Variants in ANKRD17 observed in about 807,000 individuals in gnomAD.
The protein encoded by ANKRD17 is ankyrin repeat domain 17, also known as ankyrin repeat domain-containing protein 17.
Under a neutral mutation model 229.7 loss-of-function variants are expected in ANKRD17, and 19 were observed. The ratio of observed to expected loss-of-function variants is 0.08; its 90% CI spans 0.06 to 0.12. The LOEUF is 0.12. Ranked by LOEUF, ANKRD17 falls within the 10% of genes least tolerant of loss-of-function variation. ANKRD17 has a pLI of 1.00. For missense variants in ANKRD17, 2,176 were observed against 3,176.8 expected (o/e 0.68, Z 7.57); for synonymous variants, 1,112 against 1,146.1 (o/e 0.97, Z 0.60).
At chr4:73,082,036 G>A (rs976100729) in intron 30 of ANKRD17, among the ~76,000 whole-genome samples, 1 of 151,948 alleles carries the variant, frequency 6.6e-6, no homozygotes, top group Non-Finnish European at 1.5e-5. Context: ...TGTAGTCCCA[G>A]CTACTTGAGA....
chr4:73,130,605 G>A (rs974190591), intron 16 of ANKRD17, among the ~76,000 whole-genome samples: 9 of 142,964 alleles, frequency 6.3e-5, no homozygotes, highest in African/African-American at 2.3e-4. Context: ...ATTCTATAAA[G>A]ATCTATTTTT....
intron 24 of ANKRD17, among the ~76,000 whole-genome samples, chr4:73,103,404 A>G (rs994893700): frequency 6.6e-6 from 1 of 152,208 alleles, no homozygotes; most frequent in Non-Finnish European, 1.5e-5. Context: ...ACTTTATATA[A>G]CTATACAGTG....
intron 1 of ANKRD17, among the ~76,000 whole-genome samples, chr4:73,192,785 T>G (rs1011384218): frequency 4.6e-5 from 7 of 152,194 alleles, no homozygotes; most frequent in Admixed American, 3.3e-4. Context: ...AACCTCATTC[T>G]TTTTAAATGA....
chr4:73,214,162 C>T (rs1190507211), intron 1 of ANKRD17, among the ~76,000 whole-genome samples: 2 of 152,174 alleles, frequency 1.3e-5, no homozygotes, highest in African/African-American at 2.4e-5. Flanking sequence ...CAGATTTCCA[C>T]ACAAGGTTTT....
intron 1 of ANKRD17, among the ~76,000 whole-genome samples, chr4:73,217,198 C>T (rs529940465): frequency 7.9e-5 from 12 of 152,274 alleles, no homozygotes; most frequent in African/African-American, 2.4e-4. Flanking sequence ...ATTGGACAAC[C>T]GTGCCTTTAC....
rs531347835 is a variant in ANKRD17, at chr4:73,179,496, A to G, written c.394-1963T>C. ...TGTGTGTGTGTGTGTGTGTATATAT[A>G]TATATATATATATATATATATATTT... is the stretch of plus-strand genomic sequence containing the variant. On this transcript the variant is annotated intron_variant, in intron 1 of 33. Coordinates refer to ENST00000358602, the MANE Select transcript of ANKRD17 (RefSeq NM_032217.5). 2.2e-3 allele frequency among the ~76,000 whole-genome samples: 143 copies of G among 65,912 alleles called. 1 individual carries two copies. Among genetic ancestry groups the G allele is most frequent in the African/African-American group, 8.5e-3 (140 of 16,442 alleles). The allele number at this position is 65,912 out of a possible 152,430, so 43.2% of individuals were successfully genotyped here. A position where few individuals can be genotyped will look rare whatever the true frequency, so the allele number is the denominator to read the frequency against.
At chr4:73,188,285 G>A (rs187103767) in intron 1 of ANKRD17, among the ~76,000 whole-genome samples, 4 of 151,942 alleles carry the variant, frequency 2.6e-5, no homozygotes, top group East Asian at 1.9e-4. Flanking sequence ...TAGCCATAGC[G>A]ATCTTTAAAG....
At chr4:73,102,768 G>C (rs1372144994) in intron 24 of ANKRD17, 7 of 474,538 alleles carry the variant, frequency 1.5e-5, no homozygotes, top group Middle Eastern at 5.5e-4. Context: ...TTTTAAAATG[G>C]GTAAATAATA....
Position 73,090,989 on chromosome 4 carries a change from A to T in ANKRD17, c.6639T>A (p.Ser2213Arg). The T allele has an allele frequency of 6.2e-7, 1 of 1,614,246 alleles. No homozygotes were observed. The highest frequency in any genetic ancestry group is 8.5e-7 in the Non-Finnish European group (1 of 1,180,042). Residue 2213 changes from serine to arginine, a missense_variant, in exon 29 of 34, where the codon AGT becomes AGA. Ser to Arg is a moderately radical substitution (Grantham distance 110). Transcript: ENST00000358602. Reference protein sequence around the residue: ...LSVNHIKRPHSVPSSVQLPST... With the variant: ...LSVNHIKRPHRVPSSVQLPST... ...AAGGTAGCTGGACAGAAGAGGGAAC[A>T]CTGTGAGGTCTTTTAATGTGATTGA...
At chr4:73,121,498 T>C in intron 19 of ANKRD17, 119 bp downstream of exon 19, 2 of 1,271,510 alleles carry the variant, frequency 1.6e-6, no homozygotes, top group Admixed American at 1.9e-5. Context: ...TCTAACACTT[T>C]GAATGCCAAA....
intron 1 of ANKRD17, among the ~76,000 whole-genome samples, chr4:73,207,908 G>A (rs1450251576): frequency 6.6e-6 from 1 of 152,094 alleles, no homozygotes; most frequent in Admixed American, 6.5e-5. Context: ...AAAACTTGAG[G>A]CCGGGCACAG....
At chr4:73,246,151 T>C (rs1220271897) in intron 1 of ANKRD17, among the ~76,000 whole-genome samples, 1 of 152,192 alleles carries the variant, frequency 6.6e-6, no homozygotes. Flanking sequence ...ATTCCTCTCA[T>C]AGAGGAAAAT....
intron 1 of ANKRD17, among the ~76,000 whole-genome samples, chr4:73,226,753 G>A (rs998101102): frequency 6.6e-5 from 10 of 151,876 alleles, no homozygotes; most frequent in Non-Finnish European, 1.0e-4. Flanking sequence ...TCGCTCTGTC[G>A]CCCAGGCTGG....
At chr4:73,164,823 G>C (rs890327426) in intron 2 of ANKRD17, among the ~76,000 whole-genome samples, 2 of 150,512 alleles carry the variant, frequency 1.3e-5, no homozygotes, top group South Asian at 2.1e-4. Flanking sequence ...AAAATGACCA[G>C]ATTATTATTT....
chr4:73,101,043 T>C, intron 25 of ANKRD17: 1 of 917,280 alleles, frequency 1.1e-6, no homozygotes, highest in Non-Finnish European at 1.3e-6. Context: ...CGTTAGGTAT[T>C]AGAGGTAATG....
intron 1 of ANKRD17, among the ~76,000 whole-genome samples, chr4:73,248,169 A>G (rs951224355): frequency 6.6e-6 from 1 of 151,952 alleles, no homozygotes; most frequent in Non-Finnish European, 1.5e-5. Context: ...AGAATGGATG[A>G]CTCTTTAGTA....
chr4:73,086,875 G>C (rs986435832), intron 29 of ANKRD17, among the ~76,000 whole-genome samples: 71 of 109,190 alleles, frequency 6.5e-4, no homozygotes, highest in African/African-American at 2.3e-3. Flanking sequence ...TCCAGCCTGG[G>C]CGTCCGAGTG....
rs563710231 is a variant in ANKRD17, at chr4:73,184,253, G to A, written c.394-6720C>T. ...ATAAGAAAATTAGTATATTTTGGCC[G>A]GGTGCGGTGGCTCACGCCTAATCCC... On this transcript the variant is annotated intron_variant, in intron 1 of 33. Transcript: ENST00000358602. 3.9e-5 allele frequency among the ~76,000 whole-genome samples: 6 copies of A among 152,198 alleles called. No homozygotes were observed. The South Asian group carries it at 6.2e-4, about 16-fold the overall frequency.
At chr4:73,098,685 C>G in intron 25 of ANKRD17, 165 bp from the exon 26 acceptor site, 2 of 841,046 alleles carry the variant, frequency 2.4e-6, no homozygotes, top group South Asian at 3.1e-5. Flanking sequence ...GACTGATATA[C>G]TCTGTGTACC....
Sources: allele counts gnomAD v4.1 joint callset (sites outside exome capture counted in the v4.1 genomes callset), GRCh38; gene constraint gnomAD v4.1.1; transcripts MANE v1.5; gene names NCBI Gene and HGNC (gene_info 2026-07-23, HGNC 2026-07-21).